PRLR: variants seen among roughly 807,000 people sequenced by gnomAD.
PRLR encodes hPRL receptor.
PRLR carries 13 observed loss-of-function variants against 40.2 expected under a neutral mutation model. The ratio of observed to expected loss-of-function variants is 0.32; its 90% CI spans 0.21 to 0.51. PRLR has a LOEUF of 0.51. Among genes scored for constraint, PRLR ranks in the 20% least tolerant of loss-of-function variants. PRLR has a pLI of 0.97. For missense variants in PRLR, 656 were observed against 747.3 expected, an observed-to-expected ratio of 0.88 and a Z score of 1.42; for synonymous variants, 269 against 278.7, an observed-to-expected ratio of 0.97 and a Z score of 0.35.
intron 1 of PRLR, among the ~76,000 whole-genome samples, chr5:35,213,567 C>T (rs1000406568): frequency 5.9e-5 from 9 of 152,060 alleles, no homozygotes; most frequent in Admixed American, 1.3e-4. Context: ...CACAAATGAA[C>T]GTTTCCTTTC....
intron 2 of PRLR, among the ~76,000 whole-genome samples, chr5:35,102,516 CT>C (rs1281276785): frequency 1.5e-5 from 2 of 131,404 alleles, no homozygotes; most frequent in Admixed American, 1.5e-4. Context: ...CTCTCCTCTC[CT>C]CTCCTCTCCT....
intron 1 of PRLR, among the ~76,000 whole-genome samples, chr5:35,154,867 C>G (rs1774442252): frequency 6.6e-6 from 1 of 152,020 alleles, no homozygotes; most frequent in South Asian, 2.1e-4. Context: ...AGCCATTATC[C>G]CCAGCGAATT....
At chr5:35,080,287 C>T (rs1362280027) in intron 5 of PRLR, among the ~76,000 whole-genome samples, 1 of 152,016 alleles carries the variant, frequency 6.6e-6, no homozygotes, top group African/African-American at 2.4e-5. Flanking sequence ...TACAATCTAC[C>T]CATCTGACAA....
chr5:35,147,563 A>G (rs1005673169), intron 1 of PRLR, among the ~76,000 whole-genome samples: 1 of 152,220 alleles, frequency 6.6e-6, no homozygotes, highest in Non-Finnish European at 1.5e-5. Context: ...GCTAAAAGCT[A>G]TGATTGTCCA....
intron 2 of PRLR, among the ~76,000 whole-genome samples, chr5:35,097,988 A>G (rs976355151): frequency 6.6e-6 from 1 of 152,180 alleles, no homozygotes; most frequent in Non-Finnish European, 1.5e-5. Flanking sequence ...TTTAGAACTT[A>G]GATAGAGGCA....
At chr5:35,116,366 T>C (rs186919929) in intron 2 of PRLR, among the ~76,000 whole-genome samples, 284 of 152,320 alleles carry the variant, frequency 1.9e-3, no homozygotes, top group African/African-American at 6.5e-3. Flanking sequence ...TGGTGACCTG[T>C]TTGCTGTAAA....
chr5:35,135,363 TCTCCA>T (rs1773822752), intron 1 of PRLR: 1 of 152,268 alleles, frequency 6.6e-6, no homozygotes, highest in African/African-American at 2.4e-5. Flanking sequence ...CCTCGCGGCC[TCTCCA>T]CTCAGCGTGT....
chr5:35,104,894 G>A (rs1163132167), intron 2 of PRLR, among the ~76,000 whole-genome samples: 1 of 152,228 alleles, frequency 6.6e-6, no homozygotes, highest in Non-Finnish European at 1.5e-5. Context: ...CGCGGAATTT[G>A]AGATCGGAGA....
chr5:35,226,527 G>A (rs867081821), intron 1 of PRLR, among the ~76,000 whole-genome samples: 2 of 152,210 alleles, frequency 1.3e-5, no homozygotes, highest in African/African-American at 4.8e-5. Context: ...AACTTCTAAA[G>A]GGCCCATCTT....
intron 2 of PRLR, among the ~76,000 whole-genome samples, chr5:35,100,159 G>T (rs1321149645): frequency 5.4e-5 from 8 of 149,510 alleles, no homozygotes; most frequent in African/African-American, 1.5e-4. Context: ...ACTGCAGCCT[G>T]GGCGACAGGG....
chr5:35,112,684 C>T lies in PRLR; in HGVS notation c.-44+5377G>A, dbSNP rs372535181. Among the ~76,000 whole-genome samples the T allele has an allele frequency of 7.9e-4, 120 of 152,262 alleles. 4 individuals carry two copies. In the South Asian group the frequency reaches 0.024, roughly 31 times the overall value. ...CCCTCTCTCCCTCATGACTTTGGTC[C>T]ATCTTGTACCAATACAGCCTGTGTC... On this transcript the variant is annotated intron_variant, in intron 2 of 9. Coordinates refer to ENST00000618457, the MANE Select transcript of PRLR (RefSeq NM_000949.7).
intron 1 of PRLR, among the ~76,000 whole-genome samples, chr5:35,139,417 C>A (rs1469075828): frequency 6.6e-6 from 1 of 152,120 alleles, no homozygotes; most frequent in Non-Finnish European, 1.5e-5. Context: ...TGCACCAGGC[C>A]AGCCCTACAA....
chr5:35,162,450 A>T (rs1307351869), intron 1 of PRLR, among the ~76,000 whole-genome samples: 1 of 152,222 alleles, frequency 6.6e-6, no homozygotes, highest in East Asian at 1.9e-4. Flanking sequence ...GGAAATATGT[A>T]CAAGGATTTT....
Position 35,172,056 on chromosome 5 carries a change from G to A in PRLR, c.-105-53934C>T, listed in dbSNP as rs867529538. 1.2e-4 allele frequency among the ~76,000 whole-genome samples: 19 copies of A among 152,302 alleles called. No homozygotes were observed. In the South Asian group the frequency reaches 1.7e-3, roughly 13 times the overall value. ...AACGAGCCCCTAAAACCTCTAAACCGAGGAAGAGGTTAACAGTGCAAGCTA... is the reference window on the plus strand; with the variant it reads ...AACGAGCCCCTAAAACCTCTAAACCAAGGAAGAGGTTAACAGTGCAAGCTA... On this transcript the variant is annotated intron_variant, in intron 1 of 9. Coordinates refer to ENST00000618457, the MANE Select transcript of PRLR (RefSeq NM_000949.7).
intron 1 of PRLR, among the ~76,000 whole-genome samples, chr5:35,145,401 C>A (rs1188435838): frequency 2.0e-5 from 3 of 152,194 alleles, no homozygotes; most frequent in East Asian, 1.9e-4. Context: ...CAAATGACTT[C>A]TTTCCTTTCC....
At chr5:35,149,704 CCTA>C (rs1328667085) in intron 1 of PRLR, among the ~76,000 whole-genome samples, 1 of 152,152 alleles carries the variant, frequency 6.6e-6, no homozygotes, top group Admixed American at 6.5e-5. Context: ...CATTGTATTT[CCTA>C]CTATTTGCCT....
chr5:35,193,036 G>T (rs1483591105), intron 1 of PRLR, among the ~76,000 whole-genome samples: 2 of 152,166 alleles, frequency 1.3e-5, no homozygotes. Context: ...TGGCACATTA[G>T]GAGCAACAGA....
intron 5 of PRLR, among the ~76,000 whole-genome samples, chr5:35,077,033 C>G (rs940032539): frequency 2.6e-5 from 4 of 152,190 alleles, no homozygotes; most frequent in Admixed American, 2.0e-4. Flanking sequence ...CTTACAAGAG[C>G]TCCTGAAGGA....
intron 1 of PRLR, among the ~76,000 whole-genome samples, chr5:35,153,758 T>TGC (rs574624374): frequency 0.018 from 2,480 of 140,616 alleles, 68 homozygotes; most frequent in African/African-American, 0.071. Context: ...CTACACACAC[T>TGC]ACACACACAC....
Sources: gnomAD v4.1 joint callset for allele counts (sites outside exome capture counted in the v4.1 genomes callset) on GRCh38, gnomAD v4.1.1 for gene constraint, MANE v1.5 for transcripts, NCBI Gene and HGNC (gene_info 2026-07-23, HGNC 2026-07-21) for gene names.